The following ZNF679 variants were observed in gnomAD, a reference collection of about 807,000 sequenced individuals.
The protein encoded by ZNF679 is hypothetical protein MGC42415.
In ZNF679, 10 loss-of-function variants were observed where a neutral mutation model predicts 13.4. The observed-to-expected ratio is 0.75, with a 90% CI of 0.46 to 1.27. ZNF679 has a LOEUF of 1.27. ZNF679 is among the 50% of genes most tolerant of loss of function. The pLI is 0.00. For synonymous variants in ZNF679, 179 were observed against 162.5 expected (o/e 1.10, Z -0.77); for missense variants, 525 against 477.8 (o/e 1.10, Z -0.92).
intron 1 of ZNF679, among the ~76,000 whole-genome samples, chr7:64,233,011 C>T (rs1026802473): frequency 3.3e-5 from 5 of 152,120 alleles, no homozygotes; most frequent in Admixed American, 1.3e-4. Context: ...GATGCTGAGG[C>T]AGGCAGATCG....
Position 64,239,763 on chromosome 7 carries a change from T to TA in ZNF679, c.-90-9260dup, listed in dbSNP as rs533021664. Among the ~76,000 whole-genome samples, 62 of 152,230 alleles carry TA rather than the reference T, an allele frequency of 4.1e-4. No homozygotes were observed. In the East Asian group the frequency reaches 0.011, roughly 28 times the overall value. ...AGCATTGTGACATTACTGGCCTAAG[T>TA]AAAAAGGTAATTCAGGTCTTCTGCC... On this transcript the variant is annotated intron_variant, in intron 1 of 4. Coordinates refer to ENST00000421025, the MANE Select transcript of ZNF679 (RefSeq NM_153363.3).
rs111836661 is a variant in ZNF679 at position 64,260,834 on chromosome 7, G to T, written c.167G>T (p.Gly56Val). 6.2e-7 allele frequency: 1 copy of T among 1,602,292 alleles called. No individual in the cohort carries two copies. The highest frequency in any genetic ancestry group is 8.5e-7 in the Non-Finnish European group (1 of 1,176,836). ...TTACTTTTTTTTCTTAATAAAACAGGTATTGCTGTCTCTAAGCCAGACTTG... is the reference window on the plus strand; with the variant it reads ...TTACTTTTTTTTCTTAATAAAACAGTTATTGCTGTCTCTAAGCCAGACTTG... The part of the protein sequence containing the change: ...LENYRNLVSL[G>V]IAVSKPDLIT... Residue 56 changes from glycine (G) to valine (V), a missense_variant and splice_region_variant, in exon 4 of 5, where the codon GGT becomes GTT. Coordinates refer to ENST00000421025, the MANE Select transcript of ZNF679 (RefSeq NM_153363.3).
chr7:64,232,665 T>C (rs1435834157), intron 1 of ZNF679, among the ~76,000 whole-genome samples: 1 of 152,074 alleles, frequency 6.6e-6, no homozygotes, highest in Non-Finnish European at 1.5e-5. Flanking sequence ...GGGAAAGTCA[T>C]ATTATTTGGG....
chr7:64,240,110 T>C (rs567232627), intron 1 of ZNF679, among the ~76,000 whole-genome samples: 1 of 152,302 alleles, frequency 6.6e-6, no homozygotes, highest in East Asian at 1.9e-4. Flanking sequence ...GGCATTGTGA[T>C]ATATATTGCT....
At chr7:64,255,018 G>GA (rs1211204084) in intron 2 of ZNF679, among the ~76,000 whole-genome samples, 1 of 75,432 alleles carries the variant, frequency 1.3e-5, no homozygotes, top group African/African-American at 3.4e-5. Flanking sequence ...AAAAAAAAAA[G>GA]AAAAAAAATT....
In ZNF679 at chr7:64,251,297, C is replaced by CA. The variant is rs542474399; in HGVS notation, c.39+2148dup. 9.2e-5 allele frequency among the ~76,000 whole-genome samples: 14 copies of CA among 151,858 alleles called. No homozygotes were observed. The East Asian group carries it at 1.2e-3, about 13-fold the overall frequency. On this transcript the variant is annotated intron_variant, in intron 2 of 4. Transcript: ENST00000421025. Reference sequence around the variant, plus strand: ...TGAAACCCCATCTCTACTAAAAATACAAAAAAATTAGCCAGGTGTGGTGGT... The same window carrying CA: ...TGAAACCCCATCTCTACTAAAAATACAAAAAAAATTAGCCAGGTGTGGTGGT...
intron 1 of ZNF679, among the ~76,000 whole-genome samples, chr7:64,242,544 G>A (rs1787812368): frequency 6.6e-6 from 1 of 152,128 alleles, no homozygotes; most frequent in South Asian, 2.1e-4. Flanking sequence ...TCCCTCCTGT[G>A]GCTCAATCCA....
chr7:64,265,000 T>C (rs531073094), intron 4 of ZNF679, among the ~76,000 whole-genome samples: 2 of 152,208 alleles, frequency 1.3e-5, no homozygotes, highest in East Asian at 3.9e-4. Context: ...TATTTAGGTG[T>C]CTGGTTTTCC....
At chr7:64,253,151 A>G (rs1298686977) in intron 2 of ZNF679, among the ~76,000 whole-genome samples, 2 of 152,250 alleles carry the variant, frequency 1.3e-5, no homozygotes, top group African/African-American at 4.8e-5. Flanking sequence ...ATTGTCTGAA[A>G]GAGATAGATA....
chr7:64,262,559 G>C (rs1185662840), intron 4 of ZNF679, among the ~76,000 whole-genome samples: 1 of 152,056 alleles, frequency 6.6e-6, no homozygotes, highest in Non-Finnish European at 1.5e-5. Flanking sequence ...AACATTGTCT[G>C]TTGAAGGGAT....
chr7:64,260,112 ACTT>A (rs2115599907), intron 2 of ZNF679, 106 bp from the exon 3 acceptor site: 1 of 973,012 alleles, frequency 1.0e-6, no homozygotes, highest in East Asian at 2.6e-5. Flanking sequence ...AGTGAGAAAC[ACTT>A]CTTTTTACTC....
chr7:64,248,572 G>T lies in ZNF679; in HGVS notation c.-90-456G>T, dbSNP rs192029126. Among the ~76,000 whole-genome samples, 17 of 152,134 alleles carry T rather than the reference G, an allele frequency of 1.1e-4. No individual in the cohort carries two copies. In the East Asian group the frequency reaches 2.9e-3, roughly 26 times the overall value. On this transcript the variant is annotated intron_variant, in intron 1 of 4. Transcript: ENST00000421025. ...TGGGATTACAGGCCTGAGCCCCCACGCCTGGCCATGAATTACAATTTGAGA... is the reference window on the plus strand; with the variant it reads ...TGGGATTACAGGCCTGAGCCCCCACTCCTGGCCATGAATTACAATTTGAGA...
Position 64,266,396 on chromosome 7 carries a change from C to T in ZNF679, c.763C>T (p.Leu255Phe), listed in dbSNP as rs1273054651. ...CAAAGCTTTTACCTGGTCCTCAACC[C>T]TTACTAAACATAGGAGAATTCATAC... ...CGKAFTWSST[L>F]TKHRRIHTGE... Residue 255 changes from leucine to phenylalanine, a missense_variant, in exon 5 of 5, where the codon CTT becomes TTT. Physicochemically the swap from Leu to Phe is conservative, Grantham distance 22. Transcript: ENST00000421025. 2 of 1,612,958 alleles carry T rather than the reference C, an allele frequency of 1.2e-6. No homozygotes were observed. Among genetic ancestry groups the T allele is most frequent in the South Asian group, 1.1e-5 (1 of 91,046 alleles).
intron 1 of ZNF679, among the ~76,000 whole-genome samples, chr7:64,239,870 C>T (rs1787772366): frequency 6.6e-6 from 1 of 152,180 alleles, no homozygotes; most frequent in African/African-American, 2.4e-5. Flanking sequence ...TTGCCTGGAA[C>T]TGTTTTACAG....
intron 1 of ZNF679, among the ~76,000 whole-genome samples, chr7:64,239,641 T>G (rs953880066): frequency 3.3e-5 from 5 of 152,220 alleles, no homozygotes; most frequent in African/African-American, 1.2e-4. Context: ...TCTTCTTTCC[T>G]GCCTGGACCC....
intron 1 of ZNF679, among the ~76,000 whole-genome samples, chr7:64,231,236 AAG>A (rs1457199360): frequency 1.3e-5 from 2 of 152,252 alleles, no homozygotes; most frequent in Non-Finnish European, 2.9e-5. Context: ...TGGTCCAGGT[AAG>A]AGAGTCATCA....
In ZNF679 at chr7:64,263,683, C is replaced by G. The variant is rs1231239242; in HGVS notation, c.263-2213C>G. On this transcript the variant is annotated intron_variant, in intron 4 of 4. Transcript: ENST00000421025. ...GAACATGGCTATTCCACCTCACACT[C>G]GCATCATCTTTCACCATGTGACATG... Among the ~76,000 whole-genome samples the G allele has an allele frequency of 1.3e-5, 2 of 152,156 alleles. 1 individual carries two copies. Among genetic ancestry groups the G allele is most frequent in the South Asian group, 4.1e-4 (2 of 4,834 alleles).
At chr7:64,256,165 C>A (rs564020065) in intron 2 of ZNF679, among the ~76,000 whole-genome samples, 1 of 152,214 alleles carries the variant, frequency 6.6e-6, no homozygotes, top group Admixed American at 6.5e-5. Flanking sequence ...TGACAACATA[C>A]AGTATTTGAT....
rs759288127 is a variant in ZNF679 at position 64,266,398 on chromosome 7, T to G, written c.765T>G (p.Leu255=). The change falls in exon 5 of 5, where the codon CTT becomes CTG. Residue 255 remains leucine (L), a synonymous_variant. Coordinates refer to ENST00000421025, the MANE Select transcript of ZNF679 (RefSeq NM_153363.3). Reference sequence around the variant, plus strand: ...AAGCTTTTACCTGGTCCTCAACCCTTACTAAACATAGGAGAATTCATACTG... The same window carrying G: ...AAGCTTTTACCTGGTCCTCAACCCTGACTAAACATAGGAGAATTCATACTG... ...CGKAFTWSST[L]TKHRRIHTGE... 2 of 1,612,878 alleles carry G rather than the reference T, an allele frequency of 1.2e-6. No homozygotes were observed. Among genetic ancestry groups the G allele is most frequent in the Non-Finnish European group, 1.7e-6 (2 of 1,179,404 alleles).
Sources: allele counts gnomAD v4.1 joint callset (sites outside exome capture counted in the v4.1 genomes callset), GRCh38; gene constraint gnomAD v4.1.1; transcripts MANE v1.5; gene names NCBI Gene and HGNC (gene_info 2026-07-23, HGNC 2026-07-21).